Variants in PIK3CD observed in about 807,000 individuals in gnomAD.
PIK3CD encodes the protein phosphatidylinositol 4,5-bisphosphate 3-kinase catalytic subunit delta isoform.
A neutral mutation model predicts 122.9 loss-of-function variants in PIK3CD; 20 were observed. The observed-to-expected ratio is 0.16, with a 90% CI of 0.11 to 0.24. The LOEUF (loss-of-function observed/expected upper bound fraction) is 0.24. Among genes scored for constraint, PIK3CD ranks in the 10% least tolerant of loss-of-function variants. PIK3CD has a pLI of 1.00. For missense variants in PIK3CD, 787 were observed against 1,406.3 expected (o/e 0.56, Z 7.04); for synonymous variants, 596 against 593.4 (o/e 1.00, Z -0.06).
Position 9,710,219 on chromosome 1 carries a change from G to A in PIK3CD, c.-32-205G>A, listed in dbSNP as rs1646993135. On this transcript the variant is annotated intron_variant, in intron 2 of 23. Coordinates refer to ENST00000377346, the MANE Select transcript of PIK3CD (RefSeq NM_005026.5). The surrounding 1 kb of genome is among the most constrained non-coding windows in gnomAD (Gnocchi z 4.7). ...TCTGCCTGGGAGAAGAGGCAGCTGA[G>A]GCCGTGGCCCGGAGTAGTAGGAGCC... 5.4e-6 allele frequency: 3 copies of A among 553,802 alleles called. No individual in the cohort carries two copies. The highest frequency in any genetic ancestry group is 9.8e-6 in the Non-Finnish European group (3 of 305,060). 34.3% of individuals were successfully genotyped at this position (553,802 alleles called of 1,614,324 possible).
chr1:9,679,231 C>T (rs1645656885), intron 1 of PIK3CD, among the ~76,000 whole-genome samples: 1 of 151,928 alleles, frequency 6.6e-6, no homozygotes, highest in African/African-American at 2.4e-5. Context: ...CCATGCCTGG[C>T]TAATTTTTGT....
Position 9,715,442 on chromosome 1 carries a change from G to C in PIK3CD, c.142-99G>C, listed in dbSNP as rs1338083718. On this transcript the variant is annotated intron_variant, in intron 3 of 23. Coordinates refer to ENST00000377346, the MANE Select transcript of PIK3CD (RefSeq NM_005026.5). The surrounding 1 kb of genome is among the most constrained non-coding windows in gnomAD (Gnocchi z 4.1). Reference sequence around the variant, plus strand: ...TCTGCCTCTGCCCTCTGGGAGGTTTGGACCCCCAGGCTGGAGGCCAGCTCT... The same window carrying C: ...TCTGCCTCTGCCCTCTGGGAGGTTTCGACCCCCAGGCTGGAGGCCAGCTCT... 4 of 1,021,450 alleles carry C rather than the reference G, an allele frequency of 3.9e-6. No homozygotes were observed. The highest frequency in any genetic ancestry group is 6.0e-6 in the Non-Finnish European group (4 of 667,426). 63.3% of individuals were successfully genotyped at this position (1,021,450 alleles called of 1,614,324 possible).
At chr1:9,645,188 T>A in the PIK3CD span, among the ~76,000 whole-genome samples, 2 of 151,972 alleles carry the variant, frequency 1.3e-5, no homozygotes, top group South Asian at 4.1e-4. Flanking sequence ...ACCTGGCTAA[T>A]TTTTGTGTTT....
At chr1:9,702,704 A>G (rs975849932) in intron 2 of PIK3CD, among the ~76,000 whole-genome samples, 2 of 150,742 alleles carry the variant, frequency 1.3e-5, no homozygotes, top group Admixed American at 1.3e-4. Context: ...TATTTTTAGT[A>G]GAGACGGGGT....
intron 1 of PIK3CD, chr1:9,653,498 C>A (rs181167012): frequency 2.6e-4 from 66 of 252,940 alleles, no homozygotes; most frequent in African/African-American, 1.5e-3. Context: ...CCGTTGCTTG[C>A]GGGGGAAGGA....
Position 9,654,464 on chromosome 1 carries a change from C to G in PIK3CD, c.-138+2662C>G, listed in dbSNP as rs757156628. ...GCCCCTGGGGGGCTTACAGGACAGA[C>G]AGTCCACCAATGGTTGTGCGAAAGC... is the stretch of plus-strand genomic sequence containing the variant. On this transcript the variant is annotated intron_variant, in intron 1 of 23. Transcript: ENST00000377346. 2.1e-5 allele frequency: 20 copies of G among 967,876 alleles called. No homozygotes were observed. The South Asian group carries it at 2.2e-4, about 11-fold the overall frequency. The allele number at this position is 967,876 out of a possible 1,614,324, so 60.0% of individuals were successfully genotyped here. A position where few individuals can be genotyped will look rare whatever the true frequency, so the allele number is the denominator to read the frequency against.
chr1:9,666,555 C>T (rs1485826429), intron 1 of PIK3CD, among the ~76,000 whole-genome samples: 1 of 151,598 alleles, frequency 6.6e-6, no homozygotes, highest in Non-Finnish European at 1.5e-5. Context: ...TTCTGATTGG[C>T]AACTCGTTGA....
intron 2 of PIK3CD, among the ~76,000 whole-genome samples, chr1:9,702,852 C>CT (rs1044503817): frequency 8.5e-5 from 13 of 152,048 alleles, no homozygotes; most frequent in African/African-American, 3.1e-4. Flanking sequence ...CTAGAAGCTT[C>CT]TAAAAATGGA....
chr1:9,664,647 A>G (rs1645106475), intron 1 of PIK3CD, among the ~76,000 whole-genome samples: 1 of 152,012 alleles, frequency 6.6e-6, no homozygotes, highest in South Asian at 2.1e-4. Flanking sequence ...GCTAGCCACC[A>G]CCCCAGCAGC....
intron 1 of PIK3CD, among the ~76,000 whole-genome samples, chr1:9,684,805 C>G (rs1645901934): frequency 7.1e-6 from 1 of 141,690 alleles, no homozygotes; most frequent in African/African-American, 2.7e-5. Flanking sequence ...GTGATAGCGC[C>G]ACTGCACTCC....
chr1:9,630,386 G>A, the PIK3CD span, among the ~76,000 whole-genome samples: 4 of 152,228 alleles, frequency 2.6e-5, no homozygotes, highest in Admixed American at 1.3e-4. Context: ...ACAGCCCCCT[G>A]GCCCCTGGGC....
chr1:9,677,373 C>T lies in PIK3CD; in HGVS notation c.-137-14094C>T, dbSNP rs144028040. On this transcript the variant is annotated intron_variant, in intron 1 of 23. Coordinates refer to ENST00000377346, the MANE Select transcript of PIK3CD (RefSeq NM_005026.5). ...TAAGATTGCAGCAGCAGACCAGGTG[C>T]GGTGGCTCACGCCTGTAATCCCAGC... Among the ~76,000 whole-genome samples the T allele has an allele frequency of 7.8e-3, 1,190 of 152,156 alleles. 35 individuals carry two copies. The highest frequency in any genetic ancestry group is 0.049 in the Admixed American group (745 of 15,264).
chr1:9,701,534 A>G (rs1436215529), intron 2 of PIK3CD, among the ~76,000 whole-genome samples: 1 of 152,094 alleles, frequency 6.6e-6, no homozygotes, highest in Non-Finnish European at 1.5e-5. Context: ...TCAGCCAGGC[A>G]CAGTGGCAGA....
chr1:9,684,024 A>C (rs1467538763), intron 1 of PIK3CD, among the ~76,000 whole-genome samples: 1 of 152,060 alleles, frequency 6.6e-6, no homozygotes, highest in Non-Finnish European at 1.5e-5. Flanking sequence ...CCTCTAACTT[A>C]ATGCTCAGAA....
the PIK3CD span, among the ~76,000 whole-genome samples, chr1:9,638,824 G>C: frequency 6.8e-6 from 1 of 146,078 alleles, no homozygotes; most frequent in African/African-American, 2.5e-5. Flanking sequence ...CGCCCAGGCT[G>C]GAGTGCCTTG....
intron 2 of PIK3CD, among the ~76,000 whole-genome samples, chr1:9,699,439 G>A (rs1646542750): frequency 6.6e-6 from 1 of 152,154 alleles, no homozygotes; most frequent in Admixed American, 6.6e-5. Flanking sequence ...TCAGTCCTCT[G>A]CTTAAAACCC....
At chr1:9,635,335 T>C in the PIK3CD span, among the ~76,000 whole-genome samples, 1 of 151,032 alleles carries the variant, frequency 6.6e-6, no homozygotes, top group Non-Finnish European at 1.5e-5. Flanking sequence ...TTCTTTCTCA[T>C]CTGTGTCCCT....
upstream of PIK3CD, among the ~76,000 whole-genome samples, chr1:9,650,579 G>T (rs181625810): frequency 4.6e-5 from 7 of 151,700 alleles, no homozygotes; most frequent in Non-Finnish European, 1.0e-4. Context: ...AGCCGAGATG[G>T]CACCACTGCA....
At position 9,723,704 on chromosome 1, in the gene PIK3CD, C is replaced by T. The variant is rs376600001; in HGVS notation, c.2595-265C>T. On this transcript the variant is annotated intron_variant, in intron 20 of 23. Coordinates refer to ENST00000377346, the MANE Select transcript of PIK3CD (RefSeq NM_005026.5). This position sits in a 1 kb window ranked among gnomAD's most constrained non-coding sequence, Gnocchi z 4.9. ...TTGGCGCCAGCTGTCTGTGATGCCT[C>T]TCTGCATGTGGTCTCCTCATTTAGC... Among the ~76,000 whole-genome samples the T allele has an allele frequency of 1.3e-5, 2 of 152,290 alleles. No individual in the cohort carries two copies. The highest frequency in any genetic ancestry group is 4.8e-5 in the African/African-American group (2 of 41,548).
Sources: gnomAD v4.1 joint callset for allele counts (sites outside exome capture counted in the v4.1 genomes callset) on GRCh38, gnomAD v4.1.1 for gene constraint, Gnocchi (gnomAD v3.1) non-coding constraint, MANE v1.5 for transcripts, NCBI Gene and HGNC (gene_info 2026-07-23, HGNC 2026-07-21) for gene names.